Variants in SLC39A14 observed in about 807,000 individuals in gnomAD.
SLC39A14 encodes solute carrier family 39 member 14.
A neutral mutation model predicts 45.5 loss-of-function variants in SLC39A14; 19 were observed. The ratio of observed to expected loss-of-function variants is 0.42; its 90% CI spans 0.29 to 0.61. SLC39A14 has a LOEUF of 0.61. SLC39A14 is among the 20% of genes least tolerant of loss of function. The probability of loss-of-function intolerance (pLI) is 0.22; values close to 1 mark genes in which losing one functional copy is unlikely to be tolerated. For missense variants in SLC39A14, 447 were observed against 616.5 expected (o/e 0.73, Z 2.91); for synonymous variants, 264 against 251.3 (o/e 1.05, Z -0.48).
intron 7 of SLC39A14, 150 bp from the exon 8 acceptor site, chr8:22,417,501 C>T: frequency 1.5e-6 from 1 of 665,096 alleles, no homozygotes; most frequent in South Asian, 1.9e-5. Flanking sequence ...GACTGGCTCT[C>T]ACTTTGTCGC....
chr8:22,414,767 C>G lies in SLC39A14; in HGVS notation c.628-13C>G. The G allele has an allele frequency of 6.3e-7, 1 of 1,585,442 alleles. No individual in the cohort carries two copies. ...TTTTCTTTAAAACTCATTTTCTTTT[C>G]CTGGGTCCACAGGCATTTGGTTTCA... On this transcript the variant is annotated splice_polypyrimidine_tract_variant and intron_variant, in intron 4 of 8. Coordinates refer to ENST00000381237, the MANE Select transcript of SLC39A14 (RefSeq NM_001128431.4).
At chr8:22,398,718 T>A (rs943506165) in intron 1 of SLC39A14, 1 of 985,352 alleles carries the variant, frequency 1.0e-6, no homozygotes, top group African/African-American at 1.7e-5. Context: ...TGCAGCATGC[T>A]GAACATCACA....
At chr8:22,408,125 C>G (rs1033147515) in intron 2 of SLC39A14, among the ~76,000 whole-genome samples, 185 bp from the exon 3 acceptor site, 4 of 152,206 alleles carry the variant, frequency 2.6e-5, no homozygotes. Flanking sequence ...GGATTAGTTA[C>G]TAGTTTTTTA....
intron 5 of SLC39A14, 186 bp from the exon 6 acceptor site, chr8:22,415,583 A>G: frequency 3.6e-6 from 2 of 561,762 alleles, no homozygotes; most frequent in Non-Finnish European, 6.1e-6. Context: ...GGTGTGAGCC[A>G]CCGTGCCCGA....
At position 22,406,516 on chromosome 8, in the gene SLC39A14, A is replaced by G. The variant is rs1019480397; in HGVS notation, c.270+1536A>G. 2.6e-5 allele frequency among the ~76,000 whole-genome samples: 4 copies of G among 152,094 alleles called. 1 individual carries two copies. Among genetic ancestry groups the G allele is most frequent in the Admixed American group, 6.6e-5 (1 of 15,252 alleles). ...AGACCATCCTGGCTAACACGGTGAA[A>G]CTCCGTCTCTGCTAAAAATACAAAA... On this transcript the variant is annotated intron_variant, in intron 2 of 8. Coordinates refer to ENST00000381237, the MANE Select transcript of SLC39A14 (RefSeq NM_001128431.4).
At chr8:22,376,531 T>G (rs1231732428) in intron 1 of SLC39A14, among the ~76,000 whole-genome samples, 2 of 151,756 alleles carry the variant, frequency 1.3e-5, no homozygotes, top group Non-Finnish European at 2.9e-5. Flanking sequence ...TTGGCTGGTG[T>G]CTGCTTGATT....
At chr8:22,426,748 A>G (rs1383888846), downstream of SLC39A14, among the ~76,000 whole-genome samples, 1 of 151,734 alleles carries the variant, frequency 6.6e-6, no homozygotes, top group Non-Finnish European at 1.5e-5. Context: ...CAGTGGTGTG[A>G]TCTCAGCTCA....
intron 1 of SLC39A14, among the ~76,000 whole-genome samples, chr8:22,373,819 C>T (rs915343345): frequency 6.7e-6 from 1 of 149,856 alleles, no homozygotes; most frequent in East Asian, 2.0e-4. Flanking sequence ...GGCGGGAGTG[C>T]AGTAGCGCAA....
At position 22,408,336 on chromosome 8, in the gene SLC39A14, T is replaced by C; in HGVS notation, c.297T>C (p.Thr99=). The change falls in exon 3 of 9, where the codon ACT becomes ACC. Residue 99 remains threonine, a synonymous_variant. Transcript: ENST00000381237. ...GCTTTAGTTCTGGAGACCTCTTCAC[T>C]GCCCACAATTTCAGCGAGCAGTCGC... is the stretch of plus-strand genomic sequence containing the variant. ...STCFSSGDLF[T]AHNFSEQSRI... is the part of the protein sequence containing the mutation. The C allele has an allele frequency of 6.2e-7, 1 of 1,614,224 alleles. No homozygotes were observed. Among genetic ancestry groups the C allele is most frequent in the Non-Finnish European group, 8.5e-7 (1 of 1,180,028 alleles).
chr8:22,396,403 GAGAGA>G (rs1834396621), intron 1 of SLC39A14, among the ~76,000 whole-genome samples: 1 of 7,956 alleles, frequency 1.3e-4, no homozygotes, highest in African/African-American at 1.7e-3. Flanking sequence ...GAGAGAGAGA[GAGAGA>G]GAGAGGGGGG....
chr8:22,416,638 C>A (rs529433927), intron 7 of SLC39A14, among the ~76,000 whole-genome samples: 2 of 150,752 alleles, frequency 1.3e-5, no homozygotes, highest in Non-Finnish European at 3.0e-5. Context: ...GGTTTCACTA[C>A]GTTGGCCAGG....
rs115363319 is a variant in SLC39A14, at chr8:22,420,389, A to G, written c.*691A>G. The G allele has an allele frequency of 5.7e-4, 565 of 985,426 alleles. 4 individuals are homozygous for G. The African/African-American group carries it at 9.0e-3, about 16-fold the overall frequency. 61.0% of individuals were successfully genotyped at this position (985,426 alleles called of 1,614,324 possible). On this transcript the variant is annotated 3_prime_UTR_variant, in exon 9 of 9. Transcript: ENST00000381237. Reference sequence around the variant, plus strand: ...ATTTTGTAACAGCACCTGGTGTTTCACGGCTGTCCGAGTGAGCTAACGTGG... The same window carrying G: ...ATTTTGTAACAGCACCTGGTGTTTCGCGGCTGTCCGAGTGAGCTAACGTGG...
intron 1 of SLC39A14, among the ~76,000 whole-genome samples, chr8:22,404,240 A>G (rs1203849551): frequency 2.0e-5 from 3 of 152,114 alleles, no homozygotes; most frequent in South Asian, 4.2e-4. Flanking sequence ...CCTGGCCAAC[A>G]TGATGAAACC....
intron 8 of SLC39A14, among the ~76,000 whole-genome samples, chr8:22,428,759 AC>A (rs1304805386): frequency 6.6e-6 from 1 of 151,898 alleles, no homozygotes; most frequent in Non-Finnish European, 1.5e-5. Flanking sequence ...TGTTCTTTTA[AC>A]ATTTTGTTTG....
At chr8:22,408,162 C>T in intron 2 of SLC39A14, 148 bp from the exon 3 acceptor site, 1 of 682,602 alleles carries the variant, frequency 1.5e-6, no homozygotes, top group South Asian at 2.1e-5. Flanking sequence ...TGCCCTCATC[C>T]CTAGACTAGA....
intron 2 of SLC39A14, among the ~76,000 whole-genome samples, chr8:22,406,431 C>G (rs575674533): frequency 6.6e-6 from 1 of 152,148 alleles, no homozygotes; most frequent in Non-Finnish European, 1.5e-5. Context: ...CGGTGGCTGA[C>G]GCCTGTAACC....
intron 1 of SLC39A14, among the ~76,000 whole-genome samples, chr8:22,385,795 A>G (rs1202048466): frequency 6.6e-6 from 1 of 152,146 alleles, no homozygotes; most frequent in Non-Finnish European, 1.5e-5. Flanking sequence ...CCAGGAGTTC[A>G]GGAGCAGCCT....
intron 8 of SLC39A14, among the ~76,000 whole-genome samples, chr8:22,430,354 C>T (rs1836448517): frequency 6.6e-6 from 1 of 152,096 alleles, no homozygotes; most frequent in South Asian, 2.1e-4. Flanking sequence ...AGGCGTGGGC[C>T]ATCGCCCTTA....
chr8:22,416,320 T>G, intron 7 of SLC39A14, 40 bp downstream of exon 7: 1 of 1,576,726 alleles, frequency 6.3e-7, no homozygotes, highest in Non-Finnish European at 8.7e-7. Flanking sequence ...CTCCCTTGGG[T>G]GGTGGTGTAG....
Sources: allele counts gnomAD v4.1 joint callset (sites outside exome capture counted in the v4.1 genomes callset), GRCh38; gene constraint gnomAD v4.1.1; transcripts MANE v1.5; gene names NCBI Gene and HGNC (gene_info 2026-07-23, HGNC 2026-07-21).